The following LMBRD1 variants were observed in gnomAD, a reference collection of about 807,000 sequenced individuals.
LMBRD1 encodes the protein LMBR1 domain containing 1, also known as lysosomal cobalamin transport escort protein LMBD1.
LMBRD1 carries 64 observed loss-of-function variants against 74.8 expected under a neutral mutation model. The ratio of observed to expected loss-of-function variants is 0.86; its 90% CI spans 0.70 to 1.05. The LOEUF (loss-of-function observed/expected upper bound fraction) is 1.05, where lower values mean the gene tolerates loss of function less well. Ranked by LOEUF, LMBRD1 falls within the 50% of genes least tolerant of loss-of-function variation. The probability of loss-of-function intolerance (pLI) is 0.00; values close to 1 mark genes in which losing one functional copy is unlikely to be tolerated. For synonymous variants in LMBRD1, 204 were observed against 216.3 expected, an observed-to-expected ratio of 0.94 and a Z score of 0.50; for missense variants, 652 against 645.9, an observed-to-expected ratio of 1.01 and a Z score of -0.10.
At chr6:69,728,414 T>C (rs1371954150) in intron 7 of LMBRD1, among the ~76,000 whole-genome samples, 1 of 152,200 alleles carries the variant, frequency 6.6e-6, no homozygotes, top group Non-Finnish European at 1.5e-5. Context: ...TGTTGCTTTT[T>C]ACAACAAAAT....
chr6:69,720,646 A>C (rs1038871828), intron 7 of LMBRD1, among the ~76,000 whole-genome samples: 1 of 152,178 alleles, frequency 6.6e-6, no homozygotes. Flanking sequence ...AAAATCCAAC[A>C]TCTGAAATGC....
intron 7 of LMBRD1, among the ~76,000 whole-genome samples, chr6:69,724,327 T>C (rs1280309623): frequency 7.2e-5 from 8 of 110,384 alleles, no homozygotes; most frequent in Non-Finnish European, 1.3e-4. Context: ...AAGACCCTGA[T>C]ACCAAAACCA....
At chr6:69,712,929 C>T (rs1472950418) in intron 9 of LMBRD1, among the ~76,000 whole-genome samples, 1 of 152,146 alleles carries the variant, frequency 6.6e-6, no homozygotes, top group African/African-American at 2.4e-5. Flanking sequence ...GATGGATATG[C>T]CCATTACCCA....
At chr6:69,786,407 A>T (rs1005655578) in intron 2 of LMBRD1, among the ~76,000 whole-genome samples, 1 of 152,150 alleles carries the variant, frequency 6.6e-6, no homozygotes, top group Non-Finnish European at 1.5e-5. Flanking sequence ...TTTTCATGAC[A>T]TACCTTAATA....
intron 8 of LMBRD1, among the ~76,000 whole-genome samples, chr6:69,718,499 T>C (rs753000867): frequency 3.3e-5 from 5 of 152,150 alleles, no homozygotes; most frequent in Non-Finnish European, 5.9e-5. Flanking sequence ...AAAGAACTAC[T>C]CGAGACTGGG....
intron 6 of LMBRD1, among the ~76,000 whole-genome samples, chr6:69,740,350 C>T (rs1390012055): frequency 6.6e-6 from 1 of 152,168 alleles, no homozygotes; most frequent in South Asian, 2.1e-4. Flanking sequence ...AATAATGCTA[C>T]CTATCTAATC....
chr6:69,740,471 T>C (rs1055904945), intron 6 of LMBRD1, among the ~76,000 whole-genome samples: 11 of 152,206 alleles, frequency 7.2e-5, no homozygotes, highest in Non-Finnish European at 1.2e-4. Flanking sequence ...AAAGAAGCCA[T>C]TAATTTATCA....
intron 2 of LMBRD1, among the ~76,000 whole-genome samples, chr6:69,785,463 C>T (rs1298935371): frequency 6.6e-6 from 1 of 152,178 alleles, no homozygotes; most frequent in Admixed American, 6.5e-5. Context: ...TTAAAGGTAG[C>T]CTGTCCGAAC....
chr6:69,731,415 T>C (rs1211357226), intron 7 of LMBRD1, among the ~76,000 whole-genome samples: 1 of 152,096 alleles, frequency 6.6e-6, no homozygotes, highest in Non-Finnish European at 1.5e-5. Context: ...GACTATCACA[T>C]GTACCTGGAA....
chr6:69,703,720 C>T (rs1201023870), intron 9 of LMBRD1, among the ~76,000 whole-genome samples: 1 of 151,858 alleles, frequency 6.6e-6, no homozygotes. Flanking sequence ...AGCTATAATG[C>T]CAATTTTGAA....
At chr6:69,713,906 G>T in intron 8 of LMBRD1, 109 bp from the exon 9 acceptor site, 1 of 1,175,046 alleles carries the variant, frequency 8.5e-7, no homozygotes, top group Non-Finnish European at 1.2e-6. Context: ...ACACTCTTTA[G>T]GCAAATTTAC....
At chr6:69,795,067 G>GT (rs1469020413) in intron 1 of LMBRD1, among the ~76,000 whole-genome samples, 4 of 152,174 alleles carry the variant, frequency 2.6e-5, no homozygotes, top group Non-Finnish European at 5.9e-5. Context: ...CATTGCAGCT[G>GT]TATTTTCTCC....
chr6:69,676,513 T>G lies in LMBRD1; in HGVS notation c.1446A>C (p.Leu482=). The part of the protein sequence containing the change: ...EDQCTVTRTY[L]FLHKFWFFSA... ...TGAAGAACCAGAACTTGTGAAGGAA[T>G]AGGTATGTCCGGGTAACAGTACACT... Residue 482 remains leucine (L), a synonymous_variant, in exon 15 of 16, where the codon CTA becomes CTC. Transcript: ENST00000649934. 4.3e-6 allele frequency: 7 copies of G among 1,613,382 alleles called. No individual in the cohort carries two copies. The highest frequency in any genetic ancestry group is 5.9e-6 in the Non-Finnish European group (7 of 1,179,520).
chr6:69,760,803 G>A (rs372457937), intron 3 of LMBRD1, among the ~76,000 whole-genome samples: 1 of 152,134 alleles, frequency 6.6e-6, no homozygotes, highest in African/African-American at 2.4e-5. Flanking sequence ...CGCCCTGGCT[G>A]CCATGTTGTG....
intron 6 of LMBRD1, among the ~76,000 whole-genome samples, chr6:69,740,891 A>C (rs1767087507): frequency 6.6e-6 from 1 of 152,180 alleles, no homozygotes; most frequent in Non-Finnish European, 1.5e-5. Flanking sequence ...TTCAATGATT[A>C]AGCAATTTTC....
chr6:69,710,266 GA>G (rs199547511), intron 9 of LMBRD1, among the ~76,000 whole-genome samples: 7 of 150,336 alleles, frequency 4.7e-5, no homozygotes, highest in African/African-American at 1.7e-4. Flanking sequence ...GGATAGTCTT[GA>G]AAAAAAAATT....
intron 2 of LMBRD1, among the ~76,000 whole-genome samples, chr6:69,789,584 C>G (rs943870778): frequency 2.0e-5 from 3 of 151,078 alleles, no homozygotes; most frequent in African/African-American, 7.3e-5. Flanking sequence ...AATTATTTAC[C>G]TAATTTAGCC....
At chr6:69,756,370 A>AAAAAAG (rs1035059771) in intron 3 of LMBRD1, among the ~76,000 whole-genome samples, 1 of 152,028 alleles carries the variant, frequency 6.6e-6, no homozygotes, top group African/African-American at 2.4e-5. Flanking sequence ...CTCAAAAAAA[A>AAAAAAG]AAAAAAGAAA....
At chr6:69,700,735 GA>G (rs761059992) in intron 12 of LMBRD1, 29 bp downstream of exon 12, 5 of 1,360,118 alleles carry the variant, frequency 3.7e-6, no homozygotes, top group East Asian at 2.7e-5. Flanking sequence ...AAAATGATGA[GA>G]AAAAAATAAT....
Sources: allele counts gnomAD v4.1 joint callset (sites outside exome capture counted in the v4.1 genomes callset), GRCh38; gene constraint gnomAD v4.1.1; transcripts MANE v1.5; gene names NCBI Gene and HGNC (gene_info 2026-07-23, HGNC 2026-07-21).